DDC: variants seen among roughly 807,000 people sequenced by gnomAD.
DDC encodes the protein dopa decarboxylase.
A neutral mutation model predicts 60.0 loss-of-function variants in DDC; 43 were observed. The ratio of observed to expected loss-of-function variants is 0.72; its 90% CI spans 0.56 to 0.92. The LOEUF (loss-of-function observed/expected upper bound fraction) is 0.92. Among genes scored for constraint, DDC ranks in the 40% least tolerant of loss-of-function variants. DDC has a pLI of 0.00. For synonymous variants in DDC, 232 were observed against 234.6 expected, an observed-to-expected ratio of 0.99 and a Z score of 0.10; for missense variants, 573 against 620.2, an observed-to-expected ratio of 0.92 and a Z score of 0.81.
chr7:50,474,254 T>C (rs1009946195), intron 11 of DDC, among the ~76,000 whole-genome samples: 5 of 152,330 alleles, frequency 3.3e-5, no homozygotes, highest in Middle Eastern at 3.4e-3. Flanking sequence ...ATGCTTGGCC[T>C]ATCAAGGCAG....
chr7:50,468,240 C>A (rs191710483), intron 12 of DDC, among the ~76,000 whole-genome samples: 1 of 152,334 alleles, frequency 6.6e-6, no homozygotes, highest in Non-Finnish European at 1.5e-5. Context: ...TGGGCGATCC[C>A]GAAAGCCGGT....
intron 4 of DDC, among the ~76,000 whole-genome samples, chr7:50,533,751 A>G (rs565670468): frequency 2.0e-5 from 3 of 152,360 alleles, no homozygotes; most frequent in Admixed American, 2.0e-4. Context: ...GTGGCCCACA[A>G]TAACTAACAT....
chr7:50,476,065 C>T (rs1348672277), intron 11 of DDC, among the ~76,000 whole-genome samples: 1 of 152,176 alleles, frequency 6.6e-6, no homozygotes, highest in Non-Finnish European at 1.5e-5. Context: ...TCACCCTCCC[C>T]CTTGGGTTCT....
intron 6 of DDC, among the ~76,000 whole-genome samples, chr7:50,524,587 C>T (rs1341606035): frequency 6.6e-6 from 1 of 152,144 alleles, no homozygotes. Flanking sequence ...CATTAGTTAT[C>T]AGGGAACTGC....
intron 6 of DDC, among the ~76,000 whole-genome samples, chr7:50,509,454 T>G (rs1262984112): frequency 3.9e-5 from 6 of 152,180 alleles, no homozygotes; most frequent in Non-Finnish European, 1.5e-5. Flanking sequence ...TAAATCTCTC[T>G]CTCAGCACAT....
chr7:50,538,830 T>C (rs1230591652), intron 3 of DDC, among the ~76,000 whole-genome samples: 1 of 152,234 alleles, frequency 6.6e-6, no homozygotes, highest in Non-Finnish European at 1.5e-5. Context: ...TATCCAGTGA[T>C]AGAAAATGCT....
At chr7:50,554,998 G>A (rs114642355) in intron 1 of DDC, among the ~76,000 whole-genome samples, 99 of 152,264 alleles carry the variant, frequency 6.5e-4, no homozygotes, top group African/African-American at 2.3e-3. Flanking sequence ...TTAGGTAACC[G>A]AGGAAGCTCA....
At chr7:50,492,899 A>G (rs774054612) in intron 9 of DDC, 1 of 1,594,372 alleles carries the variant, frequency 6.3e-7, no homozygotes, top group Admixed American at 1.7e-5. Context: ...TCGGGGCATC[A>G]GCTCTGCGGC....
chr7:50,470,462 C>A lies in DDC; in HGVS notation c.1042-291G>T, dbSNP rs11575493. On this transcript the variant is annotated intron_variant, in intron 11 of 14. Coordinates refer to ENST00000444124, the MANE Select transcript of DDC (RefSeq NM_001082971.2). ...TTGCGGCATGCACAGCAGGGCCAGACCTTGGGCTGTCCCCTAGGGTTCCGT... is the reference window on the plus strand; with the variant it reads ...TTGCGGCATGCACAGCAGGGCCAGAACTTGGGCTGTCCCCTAGGGTTCCGT... Among the ~76,000 whole-genome samples, 1,600 of 152,348 alleles carry A rather than the reference C, an allele frequency of 0.011. 13 individuals carry two copies. Among genetic ancestry groups the A allele is most frequent in the Non-Finnish European group, 0.016 (1,093 of 68,032 alleles).
intron 6 of DDC, among the ~76,000 whole-genome samples, chr7:50,505,859 G>T (rs532671005): frequency 5.7e-4 from 87 of 152,396 alleles, no homozygotes; most frequent in African/African-American, 2.0e-3. Context: ...TCAGGCGCAG[G>T]AGGGGCAGTC....
intron 9 of DDC, among the ~76,000 whole-genome samples, chr7:50,484,719 C>T (rs906226675): frequency 4.6e-5 from 7 of 152,178 alleles, no homozygotes; most frequent in African/African-American, 1.7e-4. Context: ...GTGACCTCAC[C>T]TGCATGAGAC....
At chr7:50,461,760 A>T (rs1451505552) in intron 14 of DDC, among the ~76,000 whole-genome samples, 1 of 152,232 alleles carries the variant, frequency 6.6e-6, no homozygotes, top group Non-Finnish European at 1.5e-5. Context: ...ACTTCAACAT[A>T]TAAGCCTCTC....
intron 10 of DDC, 57 bp downstream of exon 10, chr7:50,479,730 C>A: frequency 1.4e-6 from 2 of 1,469,028 alleles, no homozygotes; most frequent in Non-Finnish European, 1.9e-6. Context: ...ACCTCCAGGG[C>A]AGCTCTGAGG....
Position 50,543,865 on chromosome 7 carries a change from G to T in DDC, c.201+20C>A. On this transcript the variant is annotated intron_variant, in intron 2 of 14. Coordinates refer to ENST00000444124, the MANE Select transcript of DDC (RefSeq NM_001082971.2). ...GTGAGTTCTAGCCCTCCTGTTTTCT[G>T]ACCTTGGATACACACTTACCCCAGG... 1.2e-6 allele frequency: 2 copies of T among 1,611,792 alleles called. No individual in the cohort carries two copies. Among genetic ancestry groups the T allele is most frequent in the South Asian group, 2.2e-5 (2 of 90,882 alleles).
At chr7:50,460,602 C>T (rs1349101374) in intron 14 of DDC, among the ~76,000 whole-genome samples, 22 of 149,606 alleles carry the variant, frequency 1.5e-4, no homozygotes, top group African/African-American at 5.1e-4. Context: ...TTTTGTGGAA[C>T]AGAAAGGGGG....
chr7:50,540,753 C>T (rs1233302592), intron 2 of DDC, among the ~76,000 whole-genome samples: 2 of 152,186 alleles, frequency 1.3e-5, no homozygotes, highest in Non-Finnish European at 2.9e-5. Flanking sequence ...GGGTGAGGCA[C>T]AGAGGAAAAG....
In DDC at chr7:50,527,957, C is replaced by T. The variant is rs2044084590; in HGVS notation, c.714+180G>A. 1.3e-5 allele frequency: 8 copies of T among 596,634 alleles called. No individual in the cohort carries two copies. The South Asian group carries it at 1.6e-4, about 12-fold the overall frequency. 37.0% of individuals were successfully genotyped at this position (596,634 alleles called of 1,614,324 possible). A position where few individuals can be genotyped will look rare whatever the true frequency, so the allele number is the denominator to read the frequency against. ...TGTCACACAGGCTGGAGTGCAGCGG[C>T]GCGATCTCGGCTCACTGCAACCTCC... On this transcript the variant is annotated intron_variant, in intron 6 of 14. Transcript: ENST00000444124.
Position 50,459,870 on chromosome 7 carries a change from G to A in DDC, c.*19-1027C>T, listed in dbSNP as rs1398744392. 1.6e-4 allele frequency among the ~76,000 whole-genome samples: 23 copies of A among 143,948 alleles called. 1 individual carries two copies. Among genetic ancestry groups the A allele is most frequent in the Admixed American group, 7.5e-4 (11 of 14,760 alleles). The allele number at this position is 143,948 out of a possible 152,430, so 94.4% of individuals were successfully genotyped here. A position where few individuals can be genotyped will look rare whatever the true frequency, so the allele number is the denominator to read the frequency against. Reference sequence around the variant, plus strand: ...CCCGGCCCGGCCAGCCGCCCCGTCCGGGAGGGAGGTGGGGGGGTCAGCCCC... The same window carrying A: ...CCCGGCCCGGCCAGCCGCCCCGTCCAGGAGGGAGGTGGGGGGGTCAGCCCC... On this transcript the variant is annotated intron_variant, in intron 14 of 14. Coordinates refer to ENST00000444124, the MANE Select transcript of DDC (RefSeq NM_001082971.2).
intron 1 of DDC, among the ~76,000 whole-genome samples, chr7:50,550,518 A>C (rs551183085): frequency 1.3e-5 from 2 of 152,304 alleles, no homozygotes; most frequent in South Asian, 2.1e-4. Flanking sequence ...TTATTTTGCC[A>C]AGGTTGAGGA....
Sources: allele counts gnomAD v4.1 joint callset (sites outside exome capture counted in the v4.1 genomes callset), GRCh38; gene constraint gnomAD v4.1.1; transcripts MANE v1.5; gene names NCBI Gene and HGNC (gene_info 2026-07-23, HGNC 2026-07-21).